SCHIP1: variants seen among roughly 807,000 people sequenced by gnomAD.
SCHIP1 encodes the protein schwannomin interacting protein 1.
Under a neutral mutation model 29.7 loss-of-function variants are expected in SCHIP1, and 8 were observed. The ratio of observed to expected loss-of-function variants is 0.27; its 90% confidence interval spans 0.16 to 0.49. The LOEUF (loss-of-function observed/expected upper bound fraction) is 0.49. Ranked by LOEUF, SCHIP1 falls within the 20% of genes least tolerant of loss-of-function variation. The probability of loss-of-function intolerance (pLI) is 0.99; values close to 1 mark genes in which losing one functional copy is unlikely to be tolerated. For synonymous variants in SCHIP1, 76 were observed against 94.9 expected (o/e 0.80, Z 1.16); for missense variants, 193 against 294.6 (o/e 0.66, Z 2.52).
chr3:159,448,600 T>C, the SCHIP1 span, among the ~76,000 whole-genome samples: 3 of 152,184 alleles, frequency 2.0e-5, no homozygotes, highest in East Asian at 3.8e-4. Context: ...TGCCATAAAA[T>C]ATGTGTTAAG....
chr3:159,338,567 G>GAGAAT, the SCHIP1 span, among the ~76,000 whole-genome samples: 1 of 151,760 alleles, frequency 6.6e-6, no homozygotes, highest in Non-Finnish European at 1.5e-5. Flanking sequence ...GAGAAGAGAA[G>GAGAAT]TGATGTGATA....
chr3:159,369,175 T>A, the SCHIP1 span, among the ~76,000 whole-genome samples: 1 of 152,194 alleles, frequency 6.6e-6, no homozygotes, highest in Non-Finnish European at 1.5e-5. Context: ...AATTTTCAGT[T>A]TTTTAGTCCA....
the SCHIP1 span, among the ~76,000 whole-genome samples, chr3:159,355,500 G>A: frequency 6.6e-6 from 1 of 152,250 alleles, no homozygotes; most frequent in East Asian, 1.9e-4. Context: ...AGATCAGATA[G>A]CTATGTACTC....
chr3:159,847,148 G>A (rs1239563780), intron 1 of SCHIP1, among the ~76,000 whole-genome samples: 2 of 152,166 alleles, frequency 1.3e-5, no homozygotes, highest in African/African-American at 4.8e-5. Context: ...TGGAAAGGAT[G>A]GTGGTGATGG....
At chr3:159,653,015 A>G in the SCHIP1 span, among the ~76,000 whole-genome samples, 1 of 152,194 alleles carries the variant, frequency 6.6e-6, no homozygotes, top group Non-Finnish European at 1.5e-5. Context: ...CAGGGCAGGT[A>G]TGGCGAAGGA....
chr3:159,503,819 A>G, the SCHIP1 span, among the ~76,000 whole-genome samples: 1 of 152,230 alleles, frequency 6.6e-6, no homozygotes, highest in South Asian at 2.1e-4. Flanking sequence ...CATAAAGGTA[A>G]TTAACCTAAC....
the SCHIP1 span, among the ~76,000 whole-genome samples, chr3:159,372,158 T>C: frequency 2.6e-5 from 4 of 152,152 alleles, no homozygotes; most frequent in Non-Finnish European, 5.9e-5. Flanking sequence ...TTTTCAGTAA[T>C]TAAAAGCTGT....
the SCHIP1 span, among the ~76,000 whole-genome samples, chr3:159,718,050 T>C: frequency 6.6e-6 from 1 of 152,188 alleles, no homozygotes; most frequent in Non-Finnish European, 1.5e-5. Context: ...GTGGGCTTCA[T>C]CCCTGGGATG....
At chr3:159,505,632 C>G in the SCHIP1 span, among the ~76,000 whole-genome samples, 1 of 152,176 alleles carries the variant, frequency 6.6e-6, no homozygotes, top group African/African-American at 2.4e-5. Context: ...CCCACCCACC[C>G]TACAACAGGC....
At chr3:159,307,450 C>A in the SCHIP1 span, among the ~76,000 whole-genome samples, 1 of 152,120 alleles carries the variant, frequency 6.6e-6, no homozygotes. Flanking sequence ...TGCATAGGAG[C>A]AAGGGCTGGT....
chr3:159,506,313 A>G, the SCHIP1 span, among the ~76,000 whole-genome samples: 81,531 of 151,490 alleles, frequency 0.54, 22,268 homozygotes, highest in East Asian at 0.7. Flanking sequence ...TTTGGATGGG[A>G]TTGTTTTATT....
At chr3:159,476,357 T>G in the SCHIP1 span, among the ~76,000 whole-genome samples, 1 of 152,188 alleles carries the variant, frequency 6.6e-6, no homozygotes. Context: ...TATAACACCT[T>G]TAATCTGAAT....
the SCHIP1 span, among the ~76,000 whole-genome samples, chr3:159,663,342 G>A: frequency 4.5e-4 from 69 of 152,224 alleles, no homozygotes; most frequent in African/African-American, 6.5e-4. Context: ...GGAGGGTTCC[G>A]GGTGAAGTTC....
chr3:159,649,079 G>C, the SCHIP1 span, among the ~76,000 whole-genome samples: 3 of 152,182 alleles, frequency 2.0e-5, no homozygotes. Context: ...AGAGAAGCTA[G>C]AGATTAGATA....
chr3:159,334,400 T>G, the SCHIP1 span, among the ~76,000 whole-genome samples: 2 of 152,212 alleles, frequency 1.3e-5, no homozygotes, highest in African/African-American at 4.8e-5. Context: ...TGGAAAATCC[T>G]GCCCTTTAAG....
chr3:159,611,947 C>T, the SCHIP1 span, among the ~76,000 whole-genome samples: 9 of 152,030 alleles, frequency 5.9e-5, no homozygotes, highest in Non-Finnish European at 1.3e-4. Flanking sequence ...TATAAAATTC[C>T]ATATAATTTT....
At chr3:159,292,979 C>T in the SCHIP1 span, among the ~76,000 whole-genome samples, 4 of 152,160 alleles carry the variant, frequency 2.6e-5, no homozygotes, top group South Asian at 2.1e-4. Flanking sequence ...ATTGTCAATA[C>T]GGGGCATCTT....
chr3:159,355,559 A>T, the SCHIP1 span, among the ~76,000 whole-genome samples: 10 of 152,288 alleles, frequency 6.6e-5, no homozygotes, highest in African/African-American at 2.4e-4. Context: ...GAAACTTGAT[A>T]AGCATCTATT....
At chr3:159,757,586 A>C in the SCHIP1 span, among the ~76,000 whole-genome samples, 1 of 151,904 alleles carries the variant, frequency 6.6e-6, no homozygotes, top group South Asian at 2.1e-4. Flanking sequence ...TGACCCCTTC[A>C]CTCATTTACC....
Sources: allele counts gnomAD v4.1 joint callset (sites outside exome capture counted in the v4.1 genomes callset), GRCh38; gene constraint gnomAD v4.1.1; transcripts MANE v1.5; gene names NCBI Gene and HGNC (gene_info 2026-07-23, HGNC 2026-07-21).